ATF6B: variants seen among roughly 807,000 people sequenced by gnomAD.
ATF6B encodes the protein activating transcription factor 6 beta.
ATF6B carries 50 observed loss-of-function variants against 83.5 expected under a neutral mutation model. That is an observed-to-expected ratio of 0.60 (90% CI 0.48 to 0.76). The LOEUF is 0.76. Ranked by LOEUF, ATF6B falls within the 30% of genes least tolerant of loss-of-function variation. The pLI is 0.00. For missense variants in ATF6B, 790 were observed against 893.8 expected, an observed-to-expected ratio of 0.88 and a Z score of 1.48; for synonymous variants, 344 against 362.8, an observed-to-expected ratio of 0.95 and a Z score of 0.59.
chr6:32,125,933 G>A lies in ATF6B; in HGVS notation c.478+184C>T. ...CCATCTCCTCAGCACTGCCCTTGCT[G>A]TGGTTCCCTGAAATGTTTCCTCTCC... On this transcript the variant is annotated intron_variant, in intron 5 of 17. Transcript: ENST00000375203. The surrounding 1 kb of genome is among the most constrained non-coding windows in gnomAD (Gnocchi z 4.1). 1.3e-6 allele frequency: 1 copy of A among 775,482 alleles called. No individual in the cohort carries two copies. Among genetic ancestry groups the A allele is most frequent in the East Asian group, 2.7e-5 (1 of 36,632 alleles). 48.0% of individuals were successfully genotyped at this position (775,482 alleles called of 1,614,324 possible).
rs1278622665 is a variant in ATF6B, at chr6:32,119,136, C to T, written c.972G>A (p.Lys324=). The T allele has an allele frequency of 6.2e-7, 1 of 1,609,860 alleles. No individual in the cohort carries two copies. The highest frequency in any genetic ancestry group is 1.7e-5 in the Admixed American group (1 of 59,322). ...GNSCPPEVDA[K]LLKRQQRMIK... is the part of the protein sequence containing the mutation. ...TCATTCGCTGCTGCCGCTTCAGCAG[C>T]TTTGCCTAGGCACCCGGAAGGTCAA... Residue 324 remains lysine, a synonymous_variant, in exon 10 of 18, where the codon AAG becomes AAA. Coordinates refer to ENST00000375203, the MANE Select transcript of ATF6B (RefSeq NM_004381.5). This position sits in a 1 kb window ranked among gnomAD's most constrained non-coding sequence, Gnocchi z 4.9.
At chr6:32,122,845 CA>C (rs746213748) in intron 5 of ATF6B, among the ~76,000 whole-genome samples, 2,132 of 52,710 alleles carry the variant, frequency 0.04, 30 homozygotes, top group East Asian at 0.066. Flanking sequence ...GACTCTGTCT[CA>C]AAAAAAAAAA....
chr6:32,123,934 G>T (rs1336158798), intron 5 of ATF6B, among the ~76,000 whole-genome samples: 1 of 152,048 alleles, frequency 6.6e-6, no homozygotes, highest in African/African-American at 2.4e-5. Context: ...ACTGGGCATG[G>T]TGGCTTACGC....
At chr6:32,123,947 G>A (rs926227136) in intron 5 of ATF6B, among the ~76,000 whole-genome samples, 1 of 151,994 alleles carries the variant, frequency 6.6e-6, no homozygotes, top group East Asian at 1.9e-4. Flanking sequence ...GCTTACGCCT[G>A]TAATCCCAGC....
Position 32,125,997 on chromosome 6 carries a change from C to A in ATF6B, c.478+120G>T. On this transcript the variant is annotated intron_variant, in intron 5 of 17. Transcript: ENST00000375203. The surrounding 1 kb of genome is among the most constrained non-coding windows in gnomAD (Gnocchi z 4.1). ...TCCTGGTTTTCTGCCATTTCCCCTC[C>A]CCACCTTTTTCTCCCTGTCCTGCTG... is the stretch of plus-strand genomic sequence containing the variant. 13 of 1,436,154 alleles carry A rather than the reference C, an allele frequency of 9.1e-6. No homozygotes were observed. Among genetic ancestry groups the A allele is most frequent in the Non-Finnish European group, 1.2e-5 (13 of 1,065,034 alleles). 89.0% of individuals were successfully genotyped at this position (1,436,154 alleles called of 1,614,324 possible).
intron 3 of ATF6B, 70 bp from the exon 4 acceptor site, chr6:32,127,264 A>G: frequency 6.9e-7 from 1 of 1,454,232 alleles, no homozygotes; most frequent in South Asian, 1.3e-5. Context: ...ACCCAAGGAC[A>G]TGTCGGTGGG....
In ATF6B at chr6:32,117,923, G is replaced by A. The variant is rs1252107733; in HGVS notation, c.1360C>T (p.Leu454Phe). Reference sequence around the variant, plus strand: ...TTAGGGCCCTGGGAGGACCCCTGGAGAGGTTCAACTCCCTGAACTGGCTCT... The same window carrying A: ...TTAGGGCCCTGGGAGGACCCCTGGAAAGGTTCAACTCCCTGAACTGGCTCT... Reference protein sequence around the residue: ...EQEPVQGVEPLQGSSQGPKEP... With the variant: ...EQEPVQGVEPFQGSSQGPKEP... The change falls in exon 12 of 18, where the codon CTC becomes TTC. Residue 454 changes from leucine (L) to phenylalanine (F), a missense_variant. Physicochemically the swap from Leu to Phe is conservative, Grantham distance 22. Coordinates refer to ENST00000375203, the MANE Select transcript of ATF6B (RefSeq NM_004381.5). This position sits in a 1 kb window ranked among gnomAD's most constrained non-coding sequence, Gnocchi z 5.0. 1.9e-6 allele frequency: 3 copies of A among 1,608,236 alleles called. No individual in the cohort carries two copies. Among genetic ancestry groups the A allele is most frequent in the South Asian group, 1.1e-5 (1 of 90,100 alleles).
chr6:32,126,026 G>T, intron 5 of ATF6B, 91 bp downstream of exon 5: 1 of 1,524,968 alleles, frequency 6.6e-7, no homozygotes, highest in South Asian at 1.3e-5. Context: ...CCTGCTGCCT[G>T]CACTTCCCCT....
rs770465576 is a variant in ATF6B at position 32,117,278 on chromosome 6, C to T, written c.1614+45G>A. 2.5e-6 allele frequency: 4 copies of T among 1,592,578 alleles called. No individual in the cohort carries two copies. Among genetic ancestry groups the T allele is most frequent in the Non-Finnish European group, 3.4e-6 (4 of 1,164,284 alleles). ...AGAAATCCCCAGACAAGGCCTTTAG[C>T]CCTTGTCTTCAAGTGGCCTTCCTTG... is the stretch of plus-strand genomic sequence containing the variant. On this transcript the variant is annotated intron_variant, in intron 14 of 17. Coordinates refer to ENST00000375203, the MANE Select transcript of ATF6B (RefSeq NM_004381.5). This position sits in a 1 kb window ranked among gnomAD's most constrained non-coding sequence, Gnocchi z 5.0.
In ATF6B at chr6:32,117,842, T is replaced by TCC; in HGVS notation, c.1424+16_1424+17insGG. ...CATACCCTCAAACGAGAGGGGGCCC[T>TCC]CTCTCTCTCTCCTCACCTGAAACTG... On this transcript the variant is annotated intron_variant, in intron 12 of 17. Transcript: ENST00000375203. This position sits in a 1 kb window ranked among gnomAD's most constrained non-coding sequence, Gnocchi z 5.0. 6.7e-7 allele frequency: 1 copy of TCC among 1,488,740 alleles called. No individual in the cohort carries two copies. The highest frequency in any genetic ancestry group is 9.0e-7 in the Non-Finnish European group (1 of 1,109,168). The allele number at this position is 1,488,740 out of a possible 1,614,324, so 92.2% of individuals were successfully genotyped here.
chr6:32,122,577 G>A (rs1402609739), intron 5 of ATF6B, among the ~76,000 whole-genome samples: 10 of 152,150 alleles, frequency 6.6e-5, no homozygotes, highest in African/African-American at 9.6e-5. Flanking sequence ...GGCGGGGCAC[G>A]GTGGCTCACG....
Position 32,117,765 on chromosome 6 carries a change from G to A in ATF6B, c.1425-71C>T, listed in dbSNP as rs758533108. 1.3e-4 allele frequency: 211 copies of A among 1,582,884 alleles called. No individual in the cohort carries two copies. Among genetic ancestry groups the A allele is most frequent in the Non-Finnish European group, 1.7e-4 (194 of 1,163,088 alleles). On this transcript the variant is annotated intron_variant, in intron 12 of 17. Coordinates refer to ENST00000375203, the MANE Select transcript of ATF6B (RefSeq NM_004381.5). The surrounding 1 kb of genome is among the most constrained non-coding windows in gnomAD (Gnocchi z 5.0). ...CTCCCACAACAAAGAAGGCGATGAC[G>A]GCAAGAGAAAGCTTTGGGTCCCCCT... is the stretch of plus-strand genomic sequence containing the variant.
At position 32,121,086 on chromosome 6, in the gene ATF6B, C is replaced by T. The variant is rs1313496433; in HGVS notation, c.603G>A (p.Glu201=). Reference sequence around the variant, plus strand: ...GGAGGCATCCTGAAGGGGACAGGGACTCTGTCTTCACTTCCAGGACCTCCT... The same window carrying T: ...GGAGGCATCCTGAAGGGGACAGGGATTCTGTCTTCACTTCCAGGACCTCCT... The part of the protein sequence containing the change: ...IGEEVLEVKT[E]SLSPSGCLLW... Residue 201 remains glutamate, a synonymous_variant, in exon 7 of 18, where the codon GAG becomes GAA. Coordinates refer to ENST00000375203, the MANE Select transcript of ATF6B (RefSeq NM_004381.5). 6.4e-7 allele frequency: 1 copy of T among 1,570,278 alleles called. No homozygotes were observed. The highest frequency in any genetic ancestry group is 1.2e-5 in the South Asian group (1 of 83,178).
chr6:32,127,521 CTAAA>C lies in ATF6B; in HGVS notation c.172-5_172-2del. On this transcript the variant is annotated splice_acceptor_variant and splice_polypyrimidine_tract_variant and intron_variant, in intron 2 of 17. Coordinates refer to ENST00000375203, the MANE Select transcript of ATF6B (RefSeq NM_004381.5). LOFTEE classifies it high-confidence loss of function. The stretch of plus-strand genomic sequence containing the variant: ...CCACGTCCAGGGAGCTGCCGTCAAA[CTAAA>C]TAAGGGAGGATACAAGAGGGCAGGA... The C allele has an allele frequency of 6.2e-7, 1 of 1,613,112 alleles. No individual in the cohort carries two copies. The highest frequency in any genetic ancestry group is 8.5e-7 in the Non-Finnish European group (1 of 1,179,458).
Position 32,118,928 on chromosome 6 carries a change from T to C in ATF6B, c.1152+28A>G. On this transcript the variant is annotated intron_variant, in intron 10 of 17. Transcript: ENST00000375203. This position sits in a 1 kb window ranked among gnomAD's most constrained non-coding sequence, Gnocchi z 5.2. ...CATTCCAAGGAGGCTGTATTCCTGT[T>C]GGTCTCCCAGGGACAGACTGGTCTT... The C allele has an allele frequency of 6.2e-7, 1 of 1,614,126 alleles. No homozygotes were observed. The highest frequency in any genetic ancestry group is 8.5e-7 in the Non-Finnish European group (1 of 1,180,002).
chr6:32,128,186 T>C lies in ATF6B; in HGVS notation c.22A>G (p.Ser8Gly). ...AAACGCGTCGGGTCAGCAATCTCGC[T>C]GAGCAGCATCAGCTCCGCCATCTTT... is the stretch of plus-strand genomic sequence containing the variant. MAELMLL[S>G]EIADPTRFFT... The change falls in exon 1 of 18, where the codon AGC becomes GGC. Residue 8 changes from serine to glycine, a missense_variant. Transcript: ENST00000375203. 3 of 1,612,572 alleles carry C rather than the reference T, an allele frequency of 1.9e-6. No homozygotes were observed. Among genetic ancestry groups the C allele is most frequent in the Non-Finnish European group, 2.5e-6 (3 of 1,179,780 alleles).
intron 2 of ATF6B, 52 bp from the exon 3 acceptor site, chr6:32,127,572 T>C (rs1263204572): frequency 6.2e-7 from 1 of 1,607,720 alleles, no homozygotes; most frequent in African/African-American, 1.3e-5. Context: ...GATGAGAAAG[T>C]AGGGGTGACT....
chr6:32,127,365 A>T, intron 3 of ATF6B, 77 bp downstream of exon 3: 1 of 1,500,232 alleles, frequency 6.7e-7, no homozygotes, highest in South Asian at 1.2e-5. Context: ...AGGATATAGG[A>T]AGCTACGTAG....
At position 32,115,311 on chromosome 6, in the gene ATF6B, A is replaced by T. The variant is rs1781470127; in HGVS notation, c.*428T>A. The T allele has an allele frequency of 5.7e-6, 1 of 176,116 alleles. No homozygotes were observed. Among genetic ancestry groups the T allele is most frequent in the South Asian group, 2.0e-4 (1 of 5,036 alleles). 10.9% of individuals were successfully genotyped at this position (176,116 alleles called of 1,614,324 possible). On this transcript the variant is annotated 3_prime_UTR_variant, in exon 18 of 18. Coordinates refer to ENST00000375203, the MANE Select transcript of ATF6B (RefSeq NM_004381.5). ...GTTTATTTAATAATAATAAAAAAGAAATGCACACACATAAACCTGAACTCC... is the reference window on the plus strand; with the variant it reads ...GTTTATTTAATAATAATAAAAAAGATATGCACACACATAAACCTGAACTCC...
Sources: gnomAD v4.1 joint callset for allele counts (sites outside exome capture counted in the v4.1 genomes callset) on GRCh38, gnomAD v4.1.1 for gene constraint, Gnocchi (gnomAD v3.1) non-coding constraint, MANE v1.5 for transcripts, NCBI Gene and HGNC (gene_info 2026-07-23, HGNC 2026-07-21) for gene names.